KLHL12: variants seen among roughly 807,000 people sequenced by gnomAD.
KLHL12 encodes kelch-like protein 12.
KLHL12 carries 17 observed loss-of-function variants against 60.8 expected under a neutral mutation model. That is an observed-to-expected ratio of 0.28 (90% CI 0.19 to 0.42). The LOEUF (loss-of-function observed/expected upper bound fraction) is 0.42. KLHL12 is among the 10% of genes least tolerant of loss of function. The probability of loss-of-function intolerance (pLI) is 1.00; values close to 1 mark genes in which losing one functional copy is unlikely to be tolerated. For synonymous variants in KLHL12, 220 were observed against 250.9 expected (o/e 0.88, Z 1.16); for missense variants, 468 against 722.3 (o/e 0.65, Z 4.04).
upstream of KLHL12, among the ~76,000 whole-genome samples, chr1:202,927,693 A>AAAAAT (rs1445882935): frequency 7.4e-6 from 1 of 135,442 alleles, no homozygotes; most frequent in Non-Finnish European, 1.6e-5. Context: ...AAAAAAAAAA[A>AAAAAT]AAATGTCCAG....
rs752883632 is a variant in KLHL12, at chr1:202,892,710, C to T, written c.1581-51G>A. The T allele has an allele frequency of 4.4e-6, 7 of 1,594,834 alleles. No homozygotes were observed. In the South Asian group the frequency reaches 6.7e-5, roughly 15 times the overall value. On this transcript the variant is annotated intron_variant, in intron 11 of 11. Coordinates refer to ENST00000367261, the MANE Select transcript of KLHL12 (RefSeq NM_021633.4). ...GAAATGAGTCAGCTGCGTGCAGTGGCACGTGCCTGTAATCCCAACTATGCA... is the reference window on the plus strand; with the variant it reads ...GAAATGAGTCAGCTGCGTGCAGTGGTACGTGCCTGTAATCCCAACTATGCA...
chr1:202,927,517 T>TCCAAAAA (rs1653647693), upstream of KLHL12, among the ~76,000 whole-genome samples: 1 of 7,564 alleles, frequency 1.3e-4, no homozygotes, highest in Non-Finnish European at 5.1e-4. Flanking sequence ...ACCCCGTTTC[T>TCCAAAAA]ACAAAAAAAA....
intron 4 of KLHL12, chr1:202,911,897 A>G: frequency 1.2e-6 from 1 of 843,142 alleles, no homozygotes; most frequent in Non-Finnish European, 2.1e-6. Context: ...ACCAATGAAG[A>G]AAGCCTGAGG....
At chr1:202,927,304 T>G, upstream of KLHL12, 2 of 982,776 alleles carry the variant, frequency 2.0e-6, no homozygotes, top group Non-Finnish European at 2.4e-6. Context: ...CTCCAGAGTC[T>G]GCGTCACGTG....
chr1:202,892,745 G>C, intron 11 of KLHL12, 86 bp from the exon 12 acceptor site: 1 of 1,440,982 alleles, frequency 6.9e-7, no homozygotes, highest in Non-Finnish European at 9.5e-7. Flanking sequence ...AGGAGGCTGA[G>C]GTAAGAGGAT....
rs115074307 is a variant in KLHL12, at chr1:202,911,529, C to T, written c.568-326G>A. Among the ~76,000 whole-genome samples the T allele has an allele frequency of 2.3e-3, 345 of 152,020 alleles. 2 individuals are homozygous for T. Among genetic ancestry groups the T allele is most frequent in the African/African-American group, 8.0e-3 (332 of 41,452 alleles). On this transcript the variant is annotated intron_variant, in intron 4 of 11. Coordinates refer to ENST00000367261, the MANE Select transcript of KLHL12 (RefSeq NM_021633.4). ...ACCAGTCACGTATTGGCCTTCGTTT[C>T]AGAATTTTTCCCATTCCTGAATTGC...
At chr1:202,904,002 AT>A (rs1463015633) in intron 6 of KLHL12, among the ~76,000 whole-genome samples, 3 of 151,174 alleles carry the variant, frequency 2.0e-5, no homozygotes, top group Non-Finnish European at 4.4e-5. Flanking sequence ...GTATCTATCT[AT>A]CTATCTATCT....
intron 6 of KLHL12, among the ~76,000 whole-genome samples, chr1:202,901,382 C>A (rs865969627): frequency 6.6e-6 from 1 of 152,222 alleles, no homozygotes; most frequent in South Asian, 2.1e-4. Flanking sequence ...CCTCCTACCT[C>A]CCAGGCTCAA....
intron 6 of KLHL12, among the ~76,000 whole-genome samples, chr1:202,897,831 A>G (rs1037923252): frequency 4.6e-5 from 7 of 151,912 alleles, no homozygotes; most frequent in Admixed American, 1.3e-4. Flanking sequence ...CAGCCTCCCA[A>G]AGTGCTGGGA....
In KLHL12 at chr1:202,919,874, T is replaced by C. The variant is rs200319952; in HGVS notation, c.230A>G (p.Gln77Arg). Residue 77 changes from glutamine to arginine, a missense_variant, in exon 3 of 12, where the codon CAA becomes CGA. Coordinates refer to ENST00000367261, the MANE Select transcript of KLHL12 (RefSeq NM_021633.4). ...TTCCATGGTAGAGGCAGTCAAACCT[T>C]GGATGTCAACATAAGGTTTCCCCTT... ...SEKGKPYVDI[Q>R]GLTASTMEIL... The C allele has an allele frequency of 3.7e-6, 6 of 1,613,992 alleles. No individual in the cohort carries two copies. Among genetic ancestry groups the C allele is most frequent in the South Asian group, 1.1e-5 (1 of 91,048 alleles).
chr1:202,920,400 G>A (rs1290285209), intron 2 of KLHL12, among the ~76,000 whole-genome samples: 1 of 56,732 alleles, frequency 1.8e-5, no homozygotes, highest in Admixed American at 2.3e-4. Context: ...TTTTTGAGAC[G>A]GAATCTTGCA....
intron 4 of KLHL12, among the ~76,000 whole-genome samples, chr1:202,916,960 G>A (rs964528017): frequency 1.4e-5 from 2 of 143,530 alleles, no homozygotes; most frequent in Admixed American, 7.2e-5. Context: ...GTGACAGAGT[G>A]AGACCATCTC....
chr1:202,894,552 AT>A (rs1659772157), intron 9 of KLHL12, 38 bp downstream of exon 9: 1 of 1,608,934 alleles, frequency 6.2e-7, no homozygotes, highest in Non-Finnish European at 8.5e-7. Context: ...CCCATTACCC[AT>A]TGAGTTCCCT....
intron 6 of KLHL12, among the ~76,000 whole-genome samples, chr1:202,905,796 T>A (rs1472529102): frequency 1.3e-5 from 2 of 151,888 alleles, no homozygotes; most frequent in Admixed American, 1.3e-4. Flanking sequence ...GATTTTCAGA[T>A]TAGGGATACC....
At position 202,892,623 on chromosome 1, in the gene KLHL12, A is replaced by C; in HGVS notation, c.1617T>G (p.Cys539Trp). The stretch of plus-strand genomic sequence containing the variant: ...CCCAGCTGTCGATGATAGGGTCATA[A>C]CATTCAATGCTACTTAGCAGGGAAT... ...DGNSLLSSIE[C>W]YDPIIDSWEV... is the part of the protein sequence containing the mutation. The change falls in exon 12 of 12, where the codon TGT becomes TGG. Residue 539 changes from cysteine (C) to tryptophan (W), a missense_variant. Physicochemically the swap from Cys to Trp is radical, Grantham distance 215. This residue lies in a region of KLHL12 where 68 missense variants were observed against 119.8 expected (regional missense o/e 0.57). Coordinates refer to ENST00000367261, the MANE Select transcript of KLHL12 (RefSeq NM_021633.4). The C allele has an allele frequency of 6.2e-7, 1 of 1,614,106 alleles. No individual in the cohort carries two copies. Among genetic ancestry groups the C allele is most frequent in the Non-Finnish European group, 8.5e-7 (1 of 1,179,988 alleles).
chr1:202,922,070 G>A (rs1188278924), intron 2 of KLHL12, among the ~76,000 whole-genome samples: 1 of 152,098 alleles, frequency 6.6e-6, no homozygotes, highest in African/African-American at 2.4e-5. Flanking sequence ...ATGTATTCCA[G>A]AAATTTCTCA....
intron 2 of KLHL12, among the ~76,000 whole-genome samples, chr1:202,920,957 A>G (rs758092268): frequency 6.6e-6 from 1 of 152,168 alleles, no homozygotes; most frequent in African/African-American, 2.4e-5. Flanking sequence ...CCTGTGGGTT[A>G]TAACTCCAGT....
In KLHL12 at chr1:202,895,772, C is replaced by T. The variant is rs1381563669; in HGVS notation, c.940-55G>A. 1.1e-5 allele frequency: 15 copies of T among 1,425,570 alleles called. No homozygotes were observed. Among genetic ancestry groups the T allele is most frequent in the Non-Finnish European group, 1.4e-5 (14 of 1,023,920 alleles). 88.3% of individuals were successfully genotyped at this position (1,425,570 alleles called of 1,614,324 possible). A position where few individuals can be genotyped will look rare whatever the true frequency, so the allele number is the denominator to read the frequency against. On this transcript the variant is annotated intron_variant, in intron 7 of 11. Coordinates refer to ENST00000367261, the MANE Select transcript of KLHL12 (RefSeq NM_021633.4). The surrounding 1 kb of genome is among the most constrained non-coding windows in gnomAD (Gnocchi z 4.2). The stretch of plus-strand genomic sequence containing the variant: ...CATTTCAGTTAGGCAAGTTTTGGGC[C>T]TTACCTTTTGCTATCTTCCCTGTTG...
At chr1:202,916,272 C>A (rs887200730) in intron 4 of KLHL12, among the ~76,000 whole-genome samples, 2 of 152,220 alleles carry the variant, frequency 1.3e-5, no homozygotes, top group Non-Finnish European at 2.9e-5. Flanking sequence ...CAGTTGGAAC[C>A]AATGTGACCA....
Sources: allele counts gnomAD v4.1 joint callset (sites outside exome capture counted in the v4.1 genomes callset), GRCh38; gene constraint gnomAD v4.1.1; regional missense constraint gnomAD v4.1.1; non-coding constraint Gnocchi (gnomAD v3.1); transcripts MANE v1.5; gene names NCBI Gene and HGNC (gene_info 2026-07-23, HGNC 2026-07-21).